The following NSD1 variants were observed in gnomAD, a reference collection of about 807,000 sequenced individuals.
NSD1 encodes histone-lysine N-methyltransferase, H3 lysine-36 specific.
A neutral mutation model predicts 242.7 loss-of-function variants in NSD1; 26 were observed. The observed-to-expected ratio is 0.11, with a 90% CI of 0.08 to 0.15. NSD1 has a LOEUF of 0.15. Ranked by LOEUF, NSD1 falls within the 10% of genes least tolerant of loss-of-function variation. The pLI is 1.00. For missense variants in NSD1, 2,495 were observed against 3,272.8 expected (o/e 0.76, Z 5.80); for synonymous variants, 1,106 against 1,178.1 (o/e 0.94, Z 1.25).
chr5:177,158,999 T>TATATATATATATATATATATGAATG (rs1758470350), intron 2 of NSD1, among the ~76,000 whole-genome samples: 4 of 13,050 alleles, frequency 3.1e-4, no homozygotes, highest in African/African-American at 1.1e-3. Flanking sequence ...TGAATGATTT[T>TATATATATATATATATATATGAATG]ATATATATAT....
intron 16 of NSD1, among the ~76,000 whole-genome samples, chr5:177,272,452 G>C (rs1758017554): frequency 1.3e-5 from 2 of 152,076 alleles, no homozygotes; most frequent in African/African-American, 4.8e-5. Context: ...TGACAGACTT[G>C]GGGAAAGGCA....
intron 14 of NSD1, chr5:177,265,846 G>A: frequency 7.1e-7 from 1 of 1,415,786 alleles, no homozygotes; most frequent in Non-Finnish European, 1.0e-6. Context: ...CCACCTGGGT[G>A]TGCACGTAGT....
chr5:177,270,537 G>A (rs923939146), intron 16 of NSD1, among the ~76,000 whole-genome samples: 3 of 152,084 alleles, frequency 2.0e-5, no homozygotes, highest in African/African-American at 7.2e-5. Flanking sequence ...AATTTATTTG[G>A]TACTTAAAGT....
rs1469373952 is a variant in NSD1 at position 177,159,019 on chromosome 5, TATATATGAATG to T, written c.927+22996_927+23006del. Among the ~76,000 whole-genome samples the T allele has an allele frequency of 5.1e-3, 655 of 129,252 alleles. 5 individuals are homozygous for T. Among genetic ancestry groups the T allele is most frequent in the South Asian group, 0.013 (50 of 3,970 alleles). 84.8% of individuals were successfully genotyped at this position (129,252 alleles called of 152,430 possible). On this transcript the variant is annotated intron_variant, in intron 2 of 22. Coordinates refer to ENST00000439151, the MANE Select transcript of NSD1 (RefSeq NM_022455.5). ...GATTTTATATATATATATATATATATATATATGAATGATATATATATATATATATGAATGAA... is the reference window on the plus strand; with the variant it reads ...GATTTTATATATATATATATATATATATATATATATATATATATGAATGAA...
chr5:177,212,562 C>G (rs531141370), intron 5 of NSD1, among the ~76,000 whole-genome samples: 2 of 145,116 alleles, frequency 1.4e-5, no homozygotes, highest in East Asian at 4.2e-4. Flanking sequence ...GTCTCAAACT[C>G]CTGAGTTCAC....
chr5:177,148,242 C>T (rs1047659243), intron 2 of NSD1, among the ~76,000 whole-genome samples: 3 of 149,326 alleles, frequency 2.0e-5, no homozygotes, highest in Non-Finnish European at 3.0e-5. Flanking sequence ...CTCAGCCTCG[C>T]ATGTAGCTGG....
intron 2 of NSD1, among the ~76,000 whole-genome samples, chr5:177,154,693 TTTA>T (rs759533937): frequency 2.6e-5 from 4 of 151,894 alleles, no homozygotes; most frequent in Non-Finnish European, 4.4e-5. Flanking sequence ...CCTTTTTAAT[TTTA>T]TTATTATTAT....
chr5:177,191,830 A>T, intron 2 of NSD1, 54 bp from the exon 3 acceptor site: 1 of 1,590,534 alleles, frequency 6.3e-7, no homozygotes, highest in South Asian at 1.1e-5. Flanking sequence ...AATGACAATA[A>T]TGTTTCAAAA....
intron 2 of NSD1, among the ~76,000 whole-genome samples, chr5:177,159,001 T>TATATATATATATATATATGAATG (rs1758473726): frequency 4.5e-5 from 1 of 22,106 alleles, no homozygotes; most frequent in African/African-American, 1.2e-4. Flanking sequence ...AATGATTTTA[T>TATATATATATATATATATGAATG]ATATATATAT....
intron 8 of NSD1, among the ~76,000 whole-genome samples, chr5:177,240,760 A>G (rs1442495226): frequency 6.6e-6 from 1 of 152,068 alleles, no homozygotes; most frequent in Non-Finnish European, 1.5e-5. Context: ...TAATCCCAGG[A>G]CTTAGGGAAC....
chr5:177,140,321 TAC>T (rs1351766645), intron 2 of NSD1, among the ~76,000 whole-genome samples: 4 of 152,150 alleles, frequency 2.6e-5, no homozygotes, highest in Admixed American at 2.0e-4. Context: ...TTTCAGAGGA[TAC>T]TTGTTGGAGA....
intron 14 of NSD1, chr5:177,264,781 G>T (rs557049318): frequency 2.3e-5 from 17 of 743,770 alleles, no homozygotes; most frequent in South Asian, 2.2e-4. Context: ...AAACACAAAG[G>T]GAAAGAGGAG....
At position 177,295,517 on chromosome 5, in the gene NSD1, G is replaced by A. The variant is rs1760203299; in HGVS notation, c.*58G>A. The A allele has an allele frequency of 6.5e-7, 1 of 1,546,118 alleles. No homozygotes were observed. The highest frequency in any genetic ancestry group is 2.3e-5 in the East Asian group (1 of 43,456). Reference sequence around the variant, plus strand: ...CCCCCAGGGTACCATTTGGGGAGGGGAAATCTTTTCTTTCTTTCCCCCTTA... The same window carrying A: ...CCCCCAGGGTACCATTTGGGGAGGGAAAATCTTTTCTTTCTTTCCCCCTTA... On this transcript the variant is annotated 3_prime_UTR_variant, in exon 23 of 23. Coordinates refer to ENST00000439151, the MANE Select transcript of NSD1 (RefSeq NM_022455.5). The surrounding 1 kb of genome is among the most constrained non-coding windows in gnomAD (Gnocchi z 4.3).
intron 5 of NSD1, among the ~76,000 whole-genome samples, chr5:177,226,373 A>G (rs1411955743): frequency 1.3e-5 from 2 of 152,208 alleles, no homozygotes; most frequent in African/African-American, 4.8e-5. Flanking sequence ...TTCTCAATTA[A>G]TGGACATTTA....
At chr5:177,265,762 G>A in intron 14 of NSD1, 1 of 1,513,552 alleles carries the variant, frequency 6.6e-7, no homozygotes, top group Non-Finnish European at 9.2e-7. Flanking sequence ...GCGTGTACAG[G>A]GACTCGGGTA....
intron 2 of NSD1, among the ~76,000 whole-genome samples, chr5:177,187,082 G>A (rs114497376): frequency 0.026 from 3,749 of 146,598 alleles, 49 homozygotes; most frequent in African/African-American, 0.029. Flanking sequence ...AATTCTAATC[G>A]TTACAATTGT....
intron 2 of NSD1, among the ~76,000 whole-genome samples, chr5:177,183,600 C>T (rs1377257435): frequency 6.6e-6 from 1 of 152,156 alleles, no homozygotes; most frequent in Non-Finnish European, 1.5e-5. Flanking sequence ...ACCATCCCCT[C>T]AAGGATTTAT....
chr5:177,264,751 C>T (rs1269046006), intron 14 of NSD1: 8 of 726,224 alleles, frequency 1.1e-5, no homozygotes, highest in Non-Finnish European at 2.0e-5. Flanking sequence ...TGCCATCTTC[C>T]TGTAATTCGC....
At chr5:177,167,030 G>A (rs2149794233) in intron 2 of NSD1, among the ~76,000 whole-genome samples, 1 of 152,110 alleles carries the variant, frequency 6.6e-6, no homozygotes, top group Non-Finnish European at 1.5e-5. Context: ...ACAGGTGTGA[G>A]CTACTGGGCA....
Sources: allele counts gnomAD v4.1 joint callset (sites outside exome capture counted in the v4.1 genomes callset), GRCh38; gene constraint gnomAD v4.1.1; non-coding constraint Gnocchi (gnomAD v3.1); transcripts MANE v1.5; gene names NCBI Gene and HGNC (gene_info 2026-07-23, HGNC 2026-07-21).